The following ADGRB1 variants were observed in gnomAD, a reference collection of about 807,000 sequenced individuals.
The protein encoded by ADGRB1 is adhesion G protein-coupled receptor B1.
ADGRB1 carries 36 observed loss-of-function variants against 175.7 expected under a neutral mutation model. The observed-to-expected ratio is 0.20, with a 90% confidence interval of 0.16 to 0.27. The LOEUF is 0.27. ADGRB1 is among the 10% of genes least tolerant of loss of function. ADGRB1 has a pLI of 1.00. For synonymous variants in ADGRB1, 1,054 were observed against 979.4 expected (o/e 1.08, Z -1.42); for missense variants, 1,731 against 2,255.3 (o/e 0.77, Z 4.71).
chr8:142,451,677 C>T (rs1289179239), intron 1 of ADGRB1, among the ~76,000 whole-genome samples: 2 of 152,104 alleles, frequency 1.3e-5, no homozygotes, highest in East Asian at 3.9e-4. Context: ...CCCCTCGGAG[C>T]GAGAGCCGCC....
intron 24 of ADGRB1, among the ~76,000 whole-genome samples, chr8:142,528,518 G>C (rs531519306): frequency 1.3e-5 from 2 of 152,228 alleles, no homozygotes; most frequent in African/African-American, 4.8e-5. Context: ...GCTTGCTTTC[G>C]TTTCAGCCTT....
At position 142,542,621 on chromosome 8, in the gene ADGRB1, G is replaced by T; in HGVS notation, c.4387G>T (p.Ala1463Ser). ...GCCCAGCACCAAGAACGAGAATGTCGCCACCTTGTCTGTGAGCTCCCTGGA... is the reference window on the plus strand; with the variant it reads ...GCCCAGCACCAAGAACGAGAATGTCTCCACCTTGTCTGTGAGCTCCCTGGA... Reference protein sequence around the residue: ...TGPSTKNENVATLSVSSLERR... With the variant: ...TGPSTKNENVSTLSVSSLERR... Residue 1463 changes from alanine (A) to serine (S), a missense_variant, in exon 28 of 31, where the codon GCC (alanine) becomes TCC (serine). Ala to Ser is a moderately conservative substitution (Grantham distance 99, BLOSUM62 1). Transcript: ENST00000517894. This position sits in a 1 kb window ranked among gnomAD's most constrained non-coding sequence, Gnocchi z 6.3. The T allele has an allele frequency of 6.4e-7, 1 of 1,551,778 alleles. No individual in the cohort carries two copies. The highest frequency in any genetic ancestry group is 8.7e-7 in the Non-Finnish European group (1 of 1,149,080).
intron 2 of ADGRB1, among the ~76,000 whole-genome samples, chr8:142,465,888 A>G (rs1840250960): frequency 6.6e-6 from 1 of 152,046 alleles, no homozygotes; most frequent in Non-Finnish European, 1.5e-5. Flanking sequence ...GGCAGGGGCC[A>G]GTCCTGTGGG....
In ADGRB1 at chr8:142,492,958, G is replaced by A. The variant is rs1349565969; in HGVS notation, c.2675+2143G>A. On this transcript the variant is annotated intron_variant, in intron 17 of 30. Transcript: ENST00000517894. The surrounding 1 kb of genome is among the most constrained non-coding windows in gnomAD (Gnocchi z 4.4). Reference sequence around the variant, plus strand: ...GCCGCGGCAGCTCTCGGGGGGCTGCGCCCTGGTTCACTCAACCAGCCCCTG... The same window carrying A: ...GCCGCGGCAGCTCTCGGGGGGCTGCACCCTGGTTCACTCAACCAGCCCCTG... Among the ~76,000 whole-genome samples the A allele has an allele frequency of 1.3e-5, 2 of 152,040 alleles. No homozygotes were observed. The highest frequency in any genetic ancestry group is 1.9e-4 in the East Asian group (1 of 5,142).
In ADGRB1 at chr8:142,544,549, G is replaced by A. The variant is rs572945486; in HGVS notation, c.*132G>A. On this transcript the variant is annotated 3_prime_UTR_variant, in exon 31 of 31. Coordinates refer to ENST00000517894, the MANE Select transcript of ADGRB1 (RefSeq NM_001702.3). ...CACCCCGGCCTCAGGGCGCTCAGAC[G>A]GCGGCCAGGCACAGGGCCCGCAGTG... 58 of 1,113,204 alleles carry A rather than the reference G, an allele frequency of 5.2e-5. No homozygotes were observed. The South Asian group carries it at 6.7e-4, about 13-fold the overall frequency. 69.0% of individuals were successfully genotyped at this position (1,113,204 alleles called of 1,614,324 possible).
rs547090131 is a variant in ADGRB1 at position 142,537,791 on chromosome 8, G to C, written c.3666+709G>C. ...GCCCAAGTGGCGGTTCCTACGTAAG[G>C]GCCCCCAACAGCCCCCTGTGGAGCC... On this transcript the variant is annotated intron_variant, in intron 26 of 30. Transcript: ENST00000517894. The surrounding 1 kb of genome is among the most constrained non-coding windows in gnomAD (Gnocchi z 4.6). Among the ~76,000 whole-genome samples, 2 of 152,232 alleles carry C rather than the reference G, an allele frequency of 1.3e-5. No homozygotes were observed. Among genetic ancestry groups the C allele is most frequent in the South Asian group, 2.1e-4 (1 of 4,824 alleles).
intron 23 of ADGRB1, among the ~76,000 whole-genome samples, chr8:142,524,718 G>A (rs868329235): frequency 4.3e-4 from 66 of 152,260 alleles, no homozygotes; most frequent in African/African-American, 1.5e-3. Flanking sequence ...TGGTGACCGC[G>A]GCTGCTTGCC....
chr8:142,517,516 C>T (rs1843513856), intron 18 of ADGRB1, among the ~76,000 whole-genome samples: 1 of 152,036 alleles, frequency 6.6e-6, no homozygotes, highest in Non-Finnish European at 1.5e-5. Context: ...GGCGGCTAGG[C>T]CTAGAAGCTG....
chr8:142,453,939 G>A (rs1281131319), intron 1 of ADGRB1, among the ~76,000 whole-genome samples: 1 of 152,206 alleles, frequency 6.6e-6, no homozygotes, highest in South Asian at 2.1e-4. Context: ...GCATTGTGCG[G>A]GTGTGAGAAA....
intron 17 of ADGRB1, among the ~76,000 whole-genome samples, chr8:142,499,944 C>T (rs1209332075): frequency 6.9e-6 from 1 of 144,774 alleles, no homozygotes; most frequent in African/African-American, 2.6e-5. Flanking sequence ...GGAGCGACCC[C>T]TCAATGCCCA....
intron 12 of ADGRB1, 120 bp downstream of exon 12, chr8:142,484,165 A>C: frequency 4.0e-5 from 32 of 793,664 alleles, no homozygotes; most frequent in Non-Finnish European, 5.5e-5. Context: ...TTTGGATCTC[A>C]GGATGGTCTC....
Position 142,455,019 on chromosome 8 carries a change from C to A in ADGRB1, c.-220+4915C>A, listed in dbSNP as rs569316250. On this transcript the variant is annotated intron_variant, in intron 1 of 30. Coordinates refer to ENST00000517894, the MANE Select transcript of ADGRB1 (RefSeq NM_001702.3). This position sits in a 1 kb window ranked among gnomAD's most constrained non-coding sequence, Gnocchi z 4.9. Reference sequence around the variant, plus strand: ...AAACACAAACATGCACACACCCACCCCTTCTGTCCCCTGTCCTGCTCATCG... The same window carrying A: ...AAACACAAACATGCACACACCCACCACTTCTGTCCCCTGTCCTGCTCATCG... 6.6e-6 allele frequency among the ~76,000 whole-genome samples: 1 copy of A among 152,032 alleles called. No homozygotes were observed. The highest frequency in any genetic ancestry group is 2.4e-5 in the African/African-American group (1 of 41,442).
chr8:142,508,851 A>G (rs1417332388), intron 17 of ADGRB1, among the ~76,000 whole-genome samples: 1 of 152,214 alleles, frequency 6.6e-6, no homozygotes, highest in East Asian at 1.9e-4. Flanking sequence ...CCCGTGAAAC[A>G]GGATCCTGGC....
At chr8:142,535,731 G>T (rs1433631878) in intron 25 of ADGRB1, among the ~76,000 whole-genome samples, 1 of 152,162 alleles carries the variant, frequency 6.6e-6, no homozygotes, top group Non-Finnish European at 1.5e-5. Flanking sequence ...GACTTGGGGA[G>T]CCCCAGCTCC....
intron 1 of ADGRB1, among the ~76,000 whole-genome samples, chr8:142,462,413 C>T (rs2131664306): frequency 6.6e-6 from 1 of 152,346 alleles, no homozygotes; most frequent in African/African-American, 2.4e-5. Context: ...GAAACCGAGG[C>T]TTTGTGGTGA....
intron 26 of ADGRB1, among the ~76,000 whole-genome samples, chr8:142,538,711 A>G (rs1284948500): frequency 6.6e-6 from 1 of 152,116 alleles, no homozygotes; most frequent in Non-Finnish European, 1.5e-5. Flanking sequence ...TCCCCAGCTG[A>G]CTGTCAGCTT....
At chr8:142,534,208 G>A (rs557250272) in intron 25 of ADGRB1, among the ~76,000 whole-genome samples, 2 of 152,242 alleles carry the variant, frequency 1.3e-5, no homozygotes, top group Non-Finnish European at 2.9e-5. Context: ...CAGCTGCAAG[G>A]AGCCAGACGG....
intron 2 of ADGRB1, among the ~76,000 whole-genome samples, chr8:142,467,647 G>C (rs2131700808): frequency 6.6e-6 from 1 of 152,320 alleles, no homozygotes; most frequent in South Asian, 2.1e-4. Context: ...GACAGGGCCA[G>C]GGTGGGGCAA....
At chr8:142,481,747 C>T (rs372493034) in intron 11 of ADGRB1, 36 bp downstream of exon 11, 28 of 1,482,106 alleles carry the variant, frequency 1.9e-5, no homozygotes, top group South Asian at 6.8e-5. Context: ...AAGAGGGTGT[C>T]GGGAAGGTGT....
Sources: gnomAD v4.1 joint callset for allele counts (sites outside exome capture counted in the v4.1 genomes callset) on GRCh38, gnomAD v4.1.1 for gene constraint, Gnocchi (gnomAD v3.1) non-coding constraint, MANE v1.5 for transcripts, NCBI Gene and HGNC (gene_info 2026-07-23, HGNC 2026-07-21) for gene names.